Variants in CLUH observed in about 807,000 individuals in gnomAD.
CLUH encodes the protein clustered mitochondria protein homolog.
In CLUH, 77 loss-of-function variants were observed where a neutral mutation model predicts 139.3. The ratio of observed to expected loss-of-function variants is 0.55; its 90% CI spans 0.46 to 0.67. CLUH has a LOEUF of 0.67. Ranked by LOEUF, CLUH falls within the 30% of genes least tolerant of loss-of-function variation. The pLI, the probability that CLUH is intolerant of heterozygous loss-of-function variation, is 0.00. For synonymous variants in CLUH, 999 were observed against 801.6 expected (o/e 1.25, Z -4.16); for missense variants, 1,876 against 1,875.8 (o/e 1.00, Z 0.00).
Position 2,691,545 on chromosome 17 carries a change from G to A in CLUH, c.3863+64C>T, listed in dbSNP as rs561439225. Reference sequence around the variant, plus strand: ...CGCCGCACTCCAGCCCGGGTGACAGGGCGAGACTCCGACTCACAAAAAACC... The same window carrying A: ...CGCCGCACTCCAGCCCGGGTGACAGAGCGAGACTCCGACTCACAAAAAACC... On this transcript the variant is annotated intron_variant, in intron 25 of 25. Coordinates refer to ENST00000651024, the MANE Select transcript of CLUH (RefSeq NM_001366661.1). 199 of 1,514,496 alleles carry A rather than the reference G, an allele frequency of 1.3e-4. 2 individuals carry two copies. The highest frequency in any genetic ancestry group is 4.8e-4 in the South Asian group (41 of 84,948). The allele number at this position is 1,514,496 out of a possible 1,614,324, so 93.8% of individuals were successfully genotyped here.
At position 2,695,030 on chromosome 17, in the gene CLUH, G is replaced by A. The variant is rs1165655088; in HGVS notation, c.2679C>T (p.Asn893=). 1.9e-6 allele frequency: 3 copies of A among 1,613,602 alleles called. No individual in the cohort carries two copies. The highest frequency in any genetic ancestry group is 1.7e-5 in the Admixed American group (1 of 59,968). The part of the protein sequence containing the change: ...FLNCFLSSYP[N]PVAHLPADEL... The stretch of plus-strand genomic sequence containing the variant: ...CGTCGGCGGGCAGGTGGGCCACGGG[G>A]TTTGGGTAGGAGCTCAGGAAGCAGT... Residue 893 remains asparagine, a synonymous_variant, in exon 16 of 26, where the codon AAC becomes AAT. Transcript: ENST00000651024.
At chr17:2,694,399 T>C in intron 17 of CLUH, 81 bp downstream of exon 17, 2 of 1,525,442 alleles carry the variant, frequency 1.3e-6, no homozygotes, top group East Asian at 4.9e-5. Flanking sequence ...CCTGTGGCCC[T>C]GGCCAGGAGT....
rs776889759 is a variant in CLUH at position 2,693,906 on chromosome 17, G to A, written c.3225C>T (p.Tyr1075=). 2.1e-5 allele frequency: 34 copies of A among 1,611,452 alleles called. No homozygotes were observed. The highest frequency in any genetic ancestry group is 3.3e-5 in the South Asian group (3 of 90,724). Residue 1075 remains tyrosine, a synonymous_variant, in exon 19 of 26, where the codon TAC becomes TAT. Transcript: ENST00000651024. ...GCCACAGCCCAGAGGGTACCTCTGC[G>A]TAGTCGCCCATGATGTAGTGGAGGC... is the stretch of plus-strand genomic sequence containing the variant. The part of the protein sequence containing the change: ...LARLHYIMGD[Y]AEALSNQQKA...
chr17:2,692,133 A>G lies in CLUH; in HGVS notation c.3561-36T>C, dbSNP rs375377900. ...GCGCGGCGCGGGGCGAGGGAAGGGC[A>G]TAAGTGGGCTGGGTGTGGGGGCCTG... On this transcript the variant is annotated intron_variant, in intron 22 of 25. Coordinates refer to ENST00000651024, the MANE Select transcript of CLUH (RefSeq NM_001366661.1). The G allele has an allele frequency of 7.2e-5, 113 of 1,559,718 alleles. No individual in the cohort carries two copies. The Middle Eastern group carries it at 1.1e-3, about 16-fold the overall frequency.
At chr17:2,709,667 G>A (rs1297362708) in intron 1 of CLUH, among the ~76,000 whole-genome samples, 5 of 152,054 alleles carry the variant, frequency 3.3e-5, no homozygotes, top group Admixed American at 2.6e-4. Context: ...CCTTGCCCCC[G>A]ACCCTCAATG....
Position 2,701,262 on chromosome 17 carries a change from G to A in CLUH, c.903C>T (p.Ser301=). 6.2e-7 allele frequency: 1 copy of A among 1,612,072 alleles called. No individual in the cohort carries two copies. Among genetic ancestry groups the A allele is most frequent in the African/African-American group, 1.3e-5 (1 of 74,982 alleles). ...ASTRGFYLNQ[S]TAYHFNPKPA... ...GCTTGGGGTTGAAGTGATAAGCTGT[G>A]GACCTGCAGGGAGAGGGCGGGCACT... The change falls in exon 7 of 26, where the codon TCC becomes TCT. Residue 301 remains serine, a synonymous_variant. Coordinates refer to ENST00000651024, the MANE Select transcript of CLUH (RefSeq NM_001366661.1).
chr17:2,696,547 A>G lies in CLUH; in HGVS notation c.2186-9T>C. 1.3e-6 allele frequency: 2 copies of G among 1,559,168 alleles called. No individual in the cohort carries two copies. The highest frequency in any genetic ancestry group is 1.7e-6 in the Non-Finnish European group (2 of 1,155,814). On this transcript the variant is annotated splice_polypyrimidine_tract_variant and intron_variant, in intron 11 of 25. Coordinates refer to ENST00000651024, the MANE Select transcript of CLUH (RefSeq NM_001366661.1). Reference sequence around the variant, plus strand: ...CCGGCTCCGAGGGTCTGCTGTGGAGACATGGCTCCATGAGACACGGGTCCC... The same window carrying G: ...CCGGCTCCGAGGGTCTGCTGTGGAGGCATGGCTCCATGAGACACGGGTCCC...
At chr17:2,700,900 G>A in intron 7 of CLUH, 75 bp from the exon 8 acceptor site, 1 of 1,478,860 alleles carries the variant, frequency 6.8e-7, no homozygotes. Context: ...CTTTTCTGAG[G>A]CCCCCGCCTG....
intron 9 of CLUH, among the ~76,000 whole-genome samples, chr17:2,699,803 T>G (rs1447852155): frequency 3.9e-5 from 6 of 152,172 alleles, no homozygotes. Flanking sequence ...AGCTAATTTT[T>G]GTATTTTTAG....
chr17:2,693,019 A>AGCT, intron 19 of CLUH, 159 bp from the exon 20 acceptor site: 1 of 569,070 alleles, frequency 1.8e-6, no homozygotes. Flanking sequence ...GATCAGCAGC[A>AGCT]GCTGCTGCCA....
At chr17:2,693,001 G>T in intron 19 of CLUH, 141 bp from the exon 20 acceptor site, 1 of 708,894 alleles carries the variant, frequency 1.4e-6, no homozygotes, top group Non-Finnish European at 2.1e-6. Context: ...TGCAGCAGGG[G>T]GGAGGGGGAT....
Position 2,691,699 on chromosome 17 carries a change from C to T in CLUH, c.3790-17G>A. 4 of 1,610,798 alleles carry T rather than the reference C, an allele frequency of 2.5e-6. No homozygotes were observed. Among genetic ancestry groups the T allele is most frequent in the Non-Finnish European group, 3.4e-6 (4 of 1,178,628 alleles). ...GGCCGTGAACTGCGGGGCGGGGAAA[C>T]CAGCGGTGAGCGGGGCTCCCGCGCT... On this transcript the variant is annotated splice_polypyrimidine_tract_variant and intron_variant, in intron 24 of 25. Coordinates refer to ENST00000651024, the MANE Select transcript of CLUH (RefSeq NM_001366661.1).
At position 2,696,270 on chromosome 17, in the gene CLUH, G is replaced by A. The variant is rs747656197; in HGVS notation, c.2291-11C>T. ...CAGGGAAACGAACCCCTGGAGGAGGGAGAGCAGAGAGGCTGAGCCAGGCAG... is the reference window on the plus strand; with the variant it reads ...CAGGGAAACGAACCCCTGGAGGAGGAAGAGCAGAGAGGCTGAGCCAGGCAG... On this transcript the variant is annotated splice_polypyrimidine_tract_variant and intron_variant, in intron 12 of 25. Transcript: ENST00000651024. 2.5e-5 allele frequency: 39 copies of A among 1,563,062 alleles called. No homozygotes were observed. The highest frequency in any genetic ancestry group is 3.4e-5 in the Non-Finnish European group (39 of 1,153,582).
chr17:2,697,813 A>ACCC, intron 10 of CLUH, 83 bp downstream of exon 10: 2 of 1,314,600 alleles, frequency 1.5e-6, no homozygotes. Context: ...TTCTCCCTTC[A>ACCC]AGGACCCAAC....
At chr17:2,700,220 C>T (rs573562909) in intron 9 of CLUH, among the ~76,000 whole-genome samples, 162 bp downstream of exon 9, 3 of 152,316 alleles carry the variant, frequency 2.0e-5, no homozygotes, top group East Asian at 3.9e-4. Flanking sequence ...TGCTGGGAGG[C>T]GGAAGGCTAG....
In CLUH at chr17:2,708,073, G is replaced by A. The variant is rs962337347; in HGVS notation, c.100+3489C>T. 187 of 910,462 alleles carry A rather than the reference G, an allele frequency of 2.1e-4. 1 individual carries two copies. The Middle Eastern group carries it at 2.3e-3, about 11-fold the overall frequency. The allele number at this position is 910,462 out of a possible 1,614,324, so 56.4% of individuals were successfully genotyped here. A position where few individuals can be genotyped will look rare whatever the true frequency, so the allele number is the denominator to read the frequency against. ...AGCAAGAGGCCAGTGGCCGCACGGC[G>A]GGGGAGGAGGTGCCCAGCTGGCCAG... On this transcript the variant is annotated intron_variant, in intron 1 of 25. Transcript: ENST00000651024.
rs1313382586 is a variant in CLUH, at chr17:2,707,451, CAGG to C, written c.101-2890_101-2888del. 2.0e-6 allele frequency: 2 copies of C among 985,292 alleles called. No individual in the cohort carries two copies. The highest frequency in any genetic ancestry group is 1.1e-4 in the East Asian group (1 of 8,822). The allele number at this position is 985,292 out of a possible 1,614,324, so 61.0% of individuals were successfully genotyped here. ...GTCGGCCAGAAGGACGGCTGTGGGCCAGGAGAACCCGGTGGCCCCAGGACCCCA... is the reference window on the plus strand; with the variant it reads ...GTCGGCCAGAAGGACGGCTGTGGGCCAGAACCCGGTGGCCCCAGGACCCCA... On this transcript the variant is annotated intron_variant, in intron 1 of 25. Transcript: ENST00000651024. This position sits in a 1 kb window ranked among gnomAD's most constrained non-coding sequence, Gnocchi z 7.4.
intron 17 of CLUH, 22 bp downstream of exon 17, chr17:2,694,449 ACACAGCGGG>A: frequency 6.6e-7 from 1 of 1,518,060 alleles, no homozygotes; most frequent in South Asian, 1.2e-5. Flanking sequence ...CACAGCGGGG[ACACAGCGGG>A]GATGCTGTGA....
At chr17:2,700,501 C>T (rs372059519) in intron 8 of CLUH, 27 bp from the exon 9 acceptor site, 39 of 1,600,144 alleles carry the variant, frequency 2.4e-5, no homozygotes, top group Middle Eastern at 1.6e-4. Context: ...GAGGGAAAAA[C>T]GAGCTCAGCC....
Sources: allele counts gnomAD v4.1 joint callset (sites outside exome capture counted in the v4.1 genomes callset), GRCh38; gene constraint gnomAD v4.1.1; non-coding constraint Gnocchi (gnomAD v3.1); transcripts MANE v1.5; gene names NCBI Gene and HGNC (gene_info 2026-07-23, HGNC 2026-07-21).